The following FAT3 variants were observed in gnomAD, a reference collection of about 807,000 sequenced individuals.
The protein encoded by FAT3 is FAT atypical cadherin 3, also known as protocadherin Fat 3.
Under a neutral mutation model 310.2 loss-of-function variants are expected in FAT3, and 95 were observed. That is an observed-to-expected ratio of 0.31 (90% CI 0.26 to 0.36). FAT3 has a LOEUF of 0.36. FAT3 is among the 10% of genes least tolerant of loss of function. FAT3 has a pLI of 1.00. For synonymous variants in FAT3, 2,314 were observed against 2,192.9 expected (o/e 1.06, Z -1.54); for missense variants, 5,408 against 5,715.6 (o/e 0.95, Z 1.74).
intron 1 of FAT3, among the ~76,000 whole-genome samples, chr11:92,277,214 A>G (rs1385542893): frequency 6.6e-6 from 1 of 152,180 alleles, no homozygotes; most frequent in African/African-American, 2.4e-5. Flanking sequence ...GTTTCCAGAA[A>G]GTTTCTGCCA....
rs1478000445 is a variant in FAT3 at position 92,882,930 on chromosome 11, C to T, written c.12474C>T (p.Ile4158=). ...TGGGGAAGGAGGAGCTCATCGGCAT[C>T]GCCGTGGTCCTCTTCGTCATCTTCA... The part of the protein sequence containing the change: ...SYVGKEELIG[I]AVVLFVIFIL... The change falls in exon 24 of 28, where the codon ATC becomes ATT. Residue 4158 remains isoleucine, a synonymous_variant. Transcript: ENST00000525166. 3 of 1,613,036 alleles carry T rather than the reference C, an allele frequency of 1.9e-6. No individual in the cohort carries two copies. The highest frequency in any genetic ancestry group is 2.7e-5 in the African/African-American group (2 of 74,936).
intron 4 of FAT3, among the ~76,000 whole-genome samples, chr11:92,734,817 C>T (rs918286716): frequency 2.0e-5 from 3 of 151,998 alleles, no homozygotes; most frequent in African/African-American, 7.2e-5. Flanking sequence ...TATTGGTAAA[C>T]AAATTATCAT....
chr11:92,412,326 C>A (rs1290563433), intron 2 of FAT3, among the ~76,000 whole-genome samples: 1 of 150,952 alleles, frequency 6.6e-6, no homozygotes, highest in Non-Finnish European at 1.5e-5. Flanking sequence ...TGGTCTCAAT[C>A]TCCTGACCTC....
At chr11:92,547,212 G>T (rs1172966186) in intron 3 of FAT3, among the ~76,000 whole-genome samples, 1 of 152,132 alleles carries the variant, frequency 6.6e-6, no homozygotes, top group Non-Finnish European at 1.5e-5. Context: ...CTAAAAGGGG[G>T]CAGCCGCTAT....
chr11:92,793,579 G>A (rs1466669971), intron 9 of FAT3, among the ~76,000 whole-genome samples: 1 of 152,148 alleles, frequency 6.6e-6, no homozygotes, highest in East Asian at 1.9e-4. Flanking sequence ...CATCTATAAG[G>A]TAAGATCATA....
At chr11:92,805,494 T>C in intron 11 of FAT3, 145 bp downstream of exon 11, 1 of 761,564 alleles carries the variant, frequency 1.3e-6, no homozygotes, top group Non-Finnish European at 1.9e-6. Context: ...AGGTGAAGTT[T>C]AGGAAGAAAT....
At chr11:92,456,652 G>A (rs1179757956) in intron 2 of FAT3, among the ~76,000 whole-genome samples, 1 of 152,076 alleles carries the variant, frequency 6.6e-6, no homozygotes, top group Non-Finnish European at 1.5e-5. Flanking sequence ...ATATCTTTGT[G>A]TGCACATATA....
At chr11:92,363,488 G>T (rs1453706529) in intron 2 of FAT3, among the ~76,000 whole-genome samples, 1 of 152,176 alleles carries the variant, frequency 6.6e-6, no homozygotes, top group Non-Finnish European at 1.5e-5. Context: ...CTTATAGCTG[G>T]TTGTTAATCT....
chr11:92,350,317 A>G (rs1264911663), intron 1 of FAT3, among the ~76,000 whole-genome samples: 1 of 151,752 alleles, frequency 6.6e-6, no homozygotes, highest in Non-Finnish European at 1.5e-5. Context: ...TAAACCATAC[A>G]ATTTGTAATA....
chr11:92,619,560 A>G (rs932631160), intron 3 of FAT3, among the ~76,000 whole-genome samples: 3 of 152,082 alleles, frequency 2.0e-5, no homozygotes, highest in South Asian at 2.1e-4. Flanking sequence ...CAATATGCCT[A>G]TTCAGATTTA....
chr11:92,888,568 C>G (rs1351541911), intron 25 of FAT3, among the ~76,000 whole-genome samples: 1 of 152,176 alleles, frequency 6.6e-6, no homozygotes, highest in Non-Finnish European at 1.5e-5. Flanking sequence ...AGCCTTTGTA[C>G]TGAGCATTAA....
rs191492600 is a variant in FAT3, at chr11:92,892,947, C to T, written c.*1834C>T. ...TTTTTTGCTTCAATCAGATTACGGC[C>T]GCCTGTGCAGTGGCCATGGTAAATA... On this transcript the variant is annotated 3_prime_UTR_variant, in exon 28 of 28. Coordinates refer to ENST00000525166, the MANE Select transcript of FAT3 (RefSeq NM_001367949.2). The T allele has an allele frequency of 2.6e-5, 4 of 152,162 alleles. No homozygotes were observed. The highest frequency in any genetic ancestry group is 6.5e-5 in the Admixed American group (1 of 15,282). The allele number at this position is 152,162 out of a possible 1,614,324, so 9.4% of individuals were successfully genotyped here.
intron 8 of FAT3, 79 bp downstream of exon 8, chr11:92,790,297 G>T: frequency 7.0e-7 from 1 of 1,426,074 alleles, no homozygotes; most frequent in Non-Finnish European, 9.5e-7. Flanking sequence ...CAGAAGTATA[G>T]GGCCCCTAAA....
intron 22 of FAT3, among the ~76,000 whole-genome samples, chr11:92,869,493 T>C (rs1565665353): frequency 6.6e-6 from 1 of 152,230 alleles, no homozygotes; most frequent in Non-Finnish European, 1.5e-5. Flanking sequence ...AGGGGGTATC[T>C]ACCTCTTCCT....
intron 1 of FAT3, among the ~76,000 whole-genome samples, chr11:92,241,824 T>G (rs1303898091): frequency 6.6e-6 from 1 of 152,076 alleles, no homozygotes. Context: ...TTTTGAAGTT[T>G]GAGAAACTTG....
At chr11:92,289,502 C>T (rs1591059590) in intron 1 of FAT3, among the ~76,000 whole-genome samples, 3 of 55,242 alleles carry the variant, frequency 5.4e-5, no homozygotes, top group Admixed American at 4.5e-4. Context: ...ATGATAGATA[C>T]ACACACACAC....
In FAT3 at chr11:92,412,756, CAT is replaced by C. The variant is rs544640768; in HGVS notation, c.3292+57363_3292+57364del. Among the ~76,000 whole-genome samples the C allele has an allele frequency of 8.6e-3, 227 of 26,512 alleles. 39 individuals carry two copies. The highest frequency in any genetic ancestry group is 0.015 in the African/African-American group (177 of 12,128). The allele number at this position is 26,512 out of a possible 152,430, so 17.4% of individuals were successfully genotyped here. Reference sequence around the variant, plus strand: ...ATATATATATATATAAATATACATACATATATATATATTTAATGTAAGACTTT... The same window carrying C: ...ATATATATATATATAAATATACATACATATATATATTTAATGTAAGACTTT... On this transcript the variant is annotated intron_variant, in intron 2 of 27. Transcript: ENST00000525166.
At chr11:92,429,009 G>A (rs527963864) in intron 2 of FAT3, among the ~76,000 whole-genome samples, 2 of 152,280 alleles carry the variant, frequency 1.3e-5, no homozygotes, top group African/African-American at 4.8e-5. Flanking sequence ...TTGTGTGGGA[G>A]TCTAAGTCTC....
chr11:92,878,658 A>AAAC (rs1949596413), intron 22 of FAT3, among the ~76,000 whole-genome samples: 1 of 99,848 alleles, frequency 1.0e-5, no homozygotes, highest in Non-Finnish European at 1.8e-5. Flanking sequence ...AAAAAAAAAA[A>AAAC]AAAAAAAAAG....
Sources: allele counts gnomAD v4.1 joint callset (sites outside exome capture counted in the v4.1 genomes callset), GRCh38; gene constraint gnomAD v4.1.1; transcripts MANE v1.5; gene names NCBI Gene and HGNC (gene_info 2026-07-23, HGNC 2026-07-21).